The following CHD6 variants were observed in gnomAD, a reference collection of about 807,000 sequenced individuals.
CHD6 encodes the protein chromodomain helicase DNA binding protein 6, also known as ATP-dependent chromatin remodeler CHD6.
A neutral mutation model predicts 276.9 loss-of-function variants in CHD6; 50 were observed. The observed-to-expected ratio is 0.18, with a 90% confidence interval of 0.14 to 0.23. The LOEUF is 0.23. Among genes scored for constraint, CHD6 ranks in the 10% least tolerant of loss-of-function variants. The pLI is 1.00. For missense variants in CHD6, 2,564 were observed against 3,365.8 expected (o/e 0.76, Z 5.89); for synonymous variants, 1,173 against 1,229.3 (o/e 0.95, Z 0.96).
intron 17 of CHD6, 24 bp from the exon 18 acceptor site, chr20:41,457,452 C>T (rs752351605): frequency 1.3e-5 from 20 of 1,599,266 alleles, no homozygotes; most frequent in Non-Finnish European, 1.7e-5. Flanking sequence ...GAGTCATATG[C>T]ATCACGTCAC....
chr20:41,545,369 A>G (rs1231523387), intron 2 of CHD6, among the ~76,000 whole-genome samples: 1 of 152,190 alleles, frequency 6.6e-6, no homozygotes, highest in African/African-American at 2.4e-5. Flanking sequence ...CAAAGAGGGG[A>G]AAGCATTTAA....
intron 3 of CHD6, among the ~76,000 whole-genome samples, chr20:41,518,303 T>G (rs1250074782): frequency 6.6e-6 from 1 of 152,248 alleles, no homozygotes; most frequent in Non-Finnish European, 1.5e-5. Flanking sequence ...CGTGCGCGCG[T>G]GCCCACATGC....
At chr20:41,550,226 A>G (rs1184215770) in intron 2 of CHD6, among the ~76,000 whole-genome samples, 1 of 152,212 alleles carries the variant, frequency 6.6e-6, no homozygotes, top group Non-Finnish European at 1.5e-5. Context: ...TGAAACAGCA[A>G]TTTAAGCCTT....
intron 8 of CHD6, among the ~76,000 whole-genome samples, chr20:41,495,686 A>ACTATGGGTG (rs1274811869): frequency 6.6e-6 from 1 of 152,246 alleles, no homozygotes; most frequent in African/African-American, 2.4e-5. Flanking sequence ...CACTAGCTTG[A>ACTATGGGTG]CTATAGTGGT....
chr20:41,404,869 T>G lies in CHD6; in HGVS notation c.7872A>C (p.Pro2624=), dbSNP rs201618483. ...CCATACCAGGGGAGAGGAACATGGA[T>G]GGGTAAATGAGTCCAGGAGATACTC... ...IPGVSPGLIY[P]SMFLSPGMGM... is the part of the protein sequence containing the mutation. Residue 2624 remains proline (P), a synonymous_variant, in exon 37 of 37, where the codon CCA becomes CCC. Coordinates refer to ENST00000373233, the MANE Select transcript of CHD6 (RefSeq NM_032221.5). 1.2e-6 allele frequency: 2 copies of G among 1,613,858 alleles called. No homozygotes were observed. Among genetic ancestry groups the G allele is most frequent in the East Asian group, 4.5e-5 (2 of 44,856 alleles).
At chr20:41,439,644 C>G (rs2047836915) in intron 26 of CHD6, among the ~76,000 whole-genome samples, 1 of 152,154 alleles carries the variant, frequency 6.6e-6, no homozygotes, top group Non-Finnish European at 1.5e-5. Flanking sequence ...TGTTTCTGTT[C>G]TTAGCTATTC....
At chr20:41,440,795 A>G (rs140763384) in intron 25 of CHD6, among the ~76,000 whole-genome samples, 1 of 152,346 alleles carries the variant, frequency 6.6e-6, no homozygotes, top group East Asian at 1.9e-4. Flanking sequence ...ATTTTATTGA[A>G]CCTAATGTAC....
chr20:41,445,843 A>G, intron 24 of CHD6, 75 bp from the exon 25 acceptor site: 1 of 858,742 alleles, frequency 1.2e-6, no homozygotes, highest in Non-Finnish European at 2.0e-6. Flanking sequence ...CCACAGTCCT[A>G]CTGGCATGCT....
chr20:41,567,019 G>A (rs1258234498), intron 1 of CHD6, among the ~76,000 whole-genome samples: 1 of 152,156 alleles, frequency 6.6e-6, no homozygotes, highest in Non-Finnish European at 1.5e-5. Flanking sequence ...ATATGGTGAA[G>A]GCCACATGGG....
At chr20:41,501,621 C>T (rs73611288) in intron 5 of CHD6, among the ~76,000 whole-genome samples, 1 of 152,060 alleles carries the variant, frequency 6.6e-6, no homozygotes, top group Non-Finnish European at 1.5e-5. Context: ...TAAATTATGT[C>T]TTTTGGTGGA....
At chr20:41,599,753 A>G (rs2045755163) in intron 1 of CHD6, among the ~76,000 whole-genome samples, 1 of 152,186 alleles carries the variant, frequency 6.6e-6, no homozygotes, top group Non-Finnish European at 1.5e-5. Flanking sequence ...TTAATCTGTA[A>G]TGAACACTTG....
At chr20:41,567,332 T>C (rs1453587746) in intron 1 of CHD6, among the ~76,000 whole-genome samples, 8 of 152,114 alleles carry the variant, frequency 5.3e-5, no homozygotes, top group African/African-American at 1.7e-4. Context: ...CTGATGACCA[T>C]CACTGGCCAC....
Position 41,451,446 on chromosome 20 carries a change from T to G in CHD6, c.3524-341A>C, listed in dbSNP as rs1237637434. On this transcript the variant is annotated intron_variant, in intron 22 of 36. Transcript: ENST00000373233. The stretch of plus-strand genomic sequence containing the variant: ...TTGACCTAAAACTTCAAGGGGAGCC[T>G]TAGCCAAGGATAGGGAAGGAATGTA... 2.0e-5 allele frequency among the ~76,000 whole-genome samples: 3 copies of G among 152,140 alleles called. No individual in the cohort carries two copies. In the East Asian group the frequency reaches 5.8e-4, roughly 29 times the overall value.
intron 8 of CHD6, among the ~76,000 whole-genome samples, chr20:41,496,098 T>C (rs2043678976): frequency 6.6e-6 from 1 of 152,206 alleles, no homozygotes; most frequent in African/African-American, 2.4e-5. Context: ...GAAAAGGGCA[T>C]GGTACAGCAG....
Position 41,498,222 on chromosome 20 carries a change from T to C in CHD6, c.920A>G (p.His307Arg). 1 of 1,609,824 alleles carries C rather than the reference T, an allele frequency of 6.2e-7. No individual in the cohort carries two copies. The highest frequency in any genetic ancestry group is 8.5e-7 in the Non-Finnish European group (1 of 1,178,142). The change falls in exon 7 of 37, where the codon CAC becomes CGC. Residue 307 changes from histidine (H) to arginine (R), a missense_variant. By Grantham distance (29) the His-to-Arg change is conservative (BLOSUM62 0). Around this residue, in one of 7 missense-constraint regions of CHD6, gnomAD observed 457 missense variants for 889.0 expected, o/e 0.51. Transcript: ENST00000373233. ...CAAGTCGAACGGAGGTTCTCCTGGG[T>C]GAACCTGTAACAAACAGCAAGCAGT... ...ILASKTVQEV[H>R]PGEPPFDLEL...
At chr20:41,551,858 T>C (rs528320880) in intron 1 of CHD6, among the ~76,000 whole-genome samples, 203 of 152,328 alleles carry the variant, frequency 1.3e-3, no homozygotes, top group African/African-American at 4.6e-3. Flanking sequence ...TATTTGACGA[T>C]TTAAACCATG....
At chr20:41,609,995 T>C (rs1310650499) in intron 1 of CHD6, among the ~76,000 whole-genome samples, 1 of 152,010 alleles carries the variant, frequency 6.6e-6, no homozygotes, top group Non-Finnish European at 1.5e-5. Flanking sequence ...TAGCTGGGAT[T>C]ACAGGCATCT....
chr20:41,457,518 G>C, intron 17 of CHD6, 90 bp from the exon 18 acceptor site: 1 of 1,430,040 alleles, frequency 7.0e-7, no homozygotes, highest in Non-Finnish European at 9.5e-7. Flanking sequence ...ATGTCATGTG[G>C]TGTGAGTGGC....
chr20:41,563,654 C>T (rs911803472), intron 1 of CHD6, among the ~76,000 whole-genome samples: 1 of 152,198 alleles, frequency 6.6e-6, no homozygotes, highest in Non-Finnish European at 1.5e-5. Context: ...ATAATAATTA[C>T]TATTAAGAAG....
Sources: gnomAD v4.1 joint callset for allele counts (sites outside exome capture counted in the v4.1 genomes callset) on GRCh38, gnomAD v4.1.1 for gene constraint, gnomAD v4.1.1 regional missense constraint, MANE v1.5 for transcripts, NCBI Gene and HGNC (gene_info 2026-07-23, HGNC 2026-07-21) for gene names.